Variants in AFF1 observed in about 807,000 individuals in gnomAD.
The protein encoded by AFF1 is ALF transcription elongation factor 1, also known as AF4/FMR2 family member 1.
Under a neutral mutation model 121.7 loss-of-function variants are expected in AFF1, and 48 were observed. The observed-to-expected ratio is 0.39, with a 90% CI of 0.31 to 0.50. The LOEUF is 0.50. AFF1 is among the 20% of genes least tolerant of loss of function. The pLI, the probability that AFF1 is intolerant of heterozygous loss-of-function variation, is 0.76. For missense variants in AFF1, 1,523 were observed against 1,511.7 expected (o/e 1.01, Z -0.12); for synonymous variants, 613 against 563.0 (o/e 1.09, Z -1.26).
chr4:87,093,765 G>A (rs1724553842), intron 7 of AFF1, among the ~76,000 whole-genome samples: 2 of 152,154 alleles, frequency 1.3e-5, no homozygotes, highest in Admixed American at 1.3e-4. Flanking sequence ...AAATATGCAA[G>A]GGTCTCCACA....
At position 86,951,368 on chromosome 4, in the gene AFF1, G is replaced by C. The variant is rs532392849; in HGVS notation, c.38+2797G>C. On this transcript the variant is annotated intron_variant, in intron 2 of 20. Transcript: ENST00000395146. ...CTTTGTCCGTTTGCCCCAGAGACTT[G>C]ATGTCACAAAAAAAAAAAATTGAGA... Among the ~76,000 whole-genome samples, 14 of 48,366 alleles carry C rather than the reference G, an allele frequency of 2.9e-4. No homozygotes were observed. In the East Asian group the frequency reaches 0.01, roughly 35 times the overall value. 31.7% of individuals were successfully genotyped at this position (48,366 alleles called of 152,430 possible).
intron 2 of AFF1, among the ~76,000 whole-genome samples, chr4:87,029,631 A>C (rs1473859176): frequency 6.6e-6 from 1 of 152,166 alleles, no homozygotes; most frequent in Non-Finnish European, 1.5e-5. Flanking sequence ...TTACTCCCAG[A>C]GTGTCTCCTA....
At position 87,134,639 on chromosome 4, in the gene AFF1, T is replaced by C; in HGVS notation, c.3480T>C (p.Val1160=). ...CCTATGTCACCATCACATCCCATGT[T>C]CTTACCGCCTTTGACCTTTGGGAAC... is the stretch of plus-strand genomic sequence containing the variant. The part of the protein sequence containing the change: ...TSSYVTITSH[V]LTAFDLWEQA... The change falls in exon 20 of 21, where the codon GTT becomes GTC. Residue 1160 remains valine, a synonymous_variant. Transcript: ENST00000395146. The C allele has an allele frequency of 6.2e-7, 1 of 1,614,190 alleles. No individual in the cohort carries two copies. Among genetic ancestry groups the C allele is most frequent in the South Asian group, 1.1e-5 (1 of 91,088 alleles).
At chr4:86,971,117 A>C (rs1271711322) in intron 2 of AFF1, among the ~76,000 whole-genome samples, 1 of 152,180 alleles carries the variant, frequency 6.6e-6, no homozygotes, top group Non-Finnish European at 1.5e-5. Flanking sequence ...AGGGGAAACT[A>C]TCCTTGCAGT....
chr4:86,950,433 G>C (rs1457994649), intron 2 of AFF1, among the ~76,000 whole-genome samples: 1 of 152,222 alleles, frequency 6.6e-6, no homozygotes, highest in Non-Finnish European at 1.5e-5. Flanking sequence ...GCCTCCCAAA[G>C]TGCTGGGATT....
intron 4 of AFF1, among the ~76,000 whole-genome samples, chr4:87,080,118 G>T (rs940607829): frequency 7.2e-5 from 11 of 152,118 alleles, no homozygotes; most frequent in African/African-American, 2.4e-4. Flanking sequence ...CTGGGAGGTT[G>T]GTCTACATAC....
rs1560657560 is a variant in AFF1 at position 87,127,171 on chromosome 4, C to CA, written c.2903+54_2903+55insA. On this transcript the variant is annotated intron_variant, in intron 15 of 20. Coordinates refer to ENST00000395146, the MANE Select transcript of AFF1 (RefSeq NM_001166693.3). ...CTGTTTTGTTTTGTTTTGCTTCCCC[C>CA]CCCCACCAAGATAGAGTCTCACTCT... is the stretch of plus-strand genomic sequence containing the variant. 66 of 1,296,294 alleles carry CA rather than the reference C, an allele frequency of 5.1e-5. 7 individuals are homozygous for CA. In the African/African-American group the frequency reaches 7.2e-4, roughly 14 times the overall value. The allele number at this position is 1,296,294 out of a possible 1,614,324, so 80.3% of individuals were successfully genotyped here.
chr4:86,963,684 T>C (rs917087706), intron 2 of AFF1, among the ~76,000 whole-genome samples: 1 of 152,200 alleles, frequency 6.6e-6, no homozygotes, highest in Non-Finnish European at 1.5e-5. Context: ...GGGTTAATAA[T>C]GAAACTGTTT....
intron 2 of AFF1, among the ~76,000 whole-genome samples, chr4:86,966,125 G>A (rs2149473852): frequency 6.7e-6 from 1 of 149,966 alleles, no homozygotes; most frequent in East Asian, 2.0e-4. Flanking sequence ...CAGTGAGATA[G>A]TGACTTGATA....
chr4:87,050,171 G>T (rs531141602), intron 4 of AFF1, among the ~76,000 whole-genome samples: 1 of 152,112 alleles, frequency 6.6e-6, no homozygotes, highest in Admixed American at 6.6e-5. Flanking sequence ...ATTACCAATA[G>T]CCTGGGTTAT....
At chr4:87,070,844 T>C (rs1721959620) in intron 4 of AFF1, among the ~76,000 whole-genome samples, 1 of 152,242 alleles carries the variant, frequency 6.6e-6, no homozygotes, top group Admixed American at 6.5e-5. Context: ...CTGTCTATAT[T>C]TGTAGGGGGT....
At chr4:87,031,140 G>A (rs963297823) in intron 2 of AFF1, among the ~76,000 whole-genome samples, 7 of 152,298 alleles carry the variant, frequency 4.6e-5, no homozygotes, top group Admixed American at 2.6e-4. Flanking sequence ...GCTGCAAGAC[G>A]TTATCGTCCC....
At chr4:87,101,584 G>A (rs187765429) in intron 8 of AFF1, among the ~76,000 whole-genome samples, 16 of 148,696 alleles carry the variant, frequency 1.1e-4, no homozygotes, top group Middle Eastern at 3.4e-3. Context: ...GTCTGAAAAA[G>A]AAAAAAAAAA....
chr4:87,132,801 C>T (rs71607407), intron 19 of AFF1, among the ~76,000 whole-genome samples: 11,746 of 152,272 alleles, frequency 0.077, 614 homozygotes, highest in Non-Finnish European at 0.11. Context: ...AGCGATTCTC[C>T]TGCCTCAGCC....
At position 87,131,085 on chromosome 4, in the gene AFF1, G is replaced by C. The variant is rs774811579; in HGVS notation, c.2967G>C (p.Thr989=). 6.2e-7 allele frequency: 1 copy of C among 1,613,916 alleles called. No homozygotes were observed. The highest frequency in any genetic ancestry group is 1.7e-5 in the Admixed American group (1 of 59,970). Residue 989 remains threonine, a splice_region_variant and synonymous_variant, in exon 17 of 21, where the codon ACG becomes ACC. Coordinates refer to ENST00000395146, the MANE Select transcript of AFF1 (RefSeq NM_001166693.3). ...KKMKQKAELM[T]DRVGKAFKYL... The stretch of plus-strand genomic sequence containing the variant: ...ATGACCATGTTCTTCTCCTGCAGAC[G>C]GACAGGGTTGGAAAGGCTTTTAAGT...
intron 2 of AFF1, among the ~76,000 whole-genome samples, chr4:87,035,260 C>T (rs1729443255): frequency 1.3e-5 from 2 of 151,950 alleles, no homozygotes; most frequent in Non-Finnish European, 2.9e-5. Context: ...AGAAGTACTG[C>T]TTGAAATACT....
intron 4 of AFF1, among the ~76,000 whole-genome samples, chr4:87,054,338 T>G (rs1470308686): frequency 6.6e-6 from 1 of 152,154 alleles, no homozygotes; most frequent in Non-Finnish European, 1.5e-5. Flanking sequence ...AGGATCACAC[T>G]GAACTGATGG....
rs757978285 is a variant in AFF1 at position 87,135,753 on chromosome 4, G to A, written c.*52G>A. ...TGGGAACTATTTTTGCACATTGGAA[G>A]CCTCAAAAACAGTCCAGACATTTGT... On this transcript the variant is annotated 3_prime_UTR_variant, in exon 21 of 21. Coordinates refer to ENST00000395146, the MANE Select transcript of AFF1 (RefSeq NM_001166693.3). 29 of 1,578,070 alleles carry A rather than the reference G, an allele frequency of 1.8e-5. No individual in the cohort carries two copies. Among genetic ancestry groups the A allele is most frequent in the Admixed American group, 9.1e-5 (5 of 55,128 alleles).
chr4:87,029,337 ACCTC>A (rs1728840321), intron 2 of AFF1, among the ~76,000 whole-genome samples: 1 of 152,134 alleles, frequency 6.6e-6, no homozygotes. Context: ...GGTTCACTCT[ACCTC>A]CATTTGAAGA....
Sources: allele counts gnomAD v4.1 joint callset (sites outside exome capture counted in the v4.1 genomes callset), GRCh38; gene constraint gnomAD v4.1.1; transcripts MANE v1.5; gene names NCBI Gene and HGNC (gene_info 2026-07-23, HGNC 2026-07-21).